The following LRP1B variants were observed in gnomAD, a reference collection of about 807,000 sequenced individuals.
The protein encoded by LRP1B is LDL receptor related protein 1B, also known as low-density lipoprotein receptor-related protein 1B.
Under a neutral mutation model 556.6 loss-of-function variants are expected in LRP1B, and 217 were observed. The observed-to-expected ratio is 0.39, with a 90% CI of 0.35 to 0.44. The LOEUF (loss-of-function observed/expected upper bound fraction) is 0.44. Ranked by LOEUF, LRP1B falls within the 20% of genes least tolerant of loss-of-function variation. LRP1B has a pLI of 1.00. For synonymous variants in LRP1B, 2,047 were observed against 1,865.8 expected, an observed-to-expected ratio of 1.10 and a Z score of -2.50; for missense variants, 5,053 against 5,620.8, an observed-to-expected ratio of 0.90 and a Z score of 3.23.
intron 86 of LRP1B, chr2:140,269,119 A>G (rs1682341338): frequency 5.6e-6 from 2 of 357,134 alleles, no homozygotes; most frequent in South Asian, 2.3e-5. Flanking sequence ...TGGTGAGTGA[A>G]GCAAAGGTTA....
At position 140,868,236 on chromosome 2, in the gene LRP1B, T is replaced by C. The variant is rs2105156661; in HGVS notation, c.4197A>G (p.Ala1399=). Residue 1399 remains alanine, a synonymous_variant, in exon 26 of 91, where the codon GCA becomes GCG. Coordinates refer to ENST00000389484, the MANE Select transcript of LRP1B (RefSeq NM_018557.3). ...YGILFWTDWD[A]NFPRIESASM... ...AGGCAGATTCAATGCGAGGAAAATT[T>C]GCATCCCAGTCTGTCCAGAAAAGAA... 1 of 1,594,944 alleles carries C rather than the reference T, an allele frequency of 6.3e-7. No individual in the cohort carries two copies. The highest frequency in any genetic ancestry group is 8.5e-7 in the Non-Finnish European group (1 of 1,172,996).
At chr2:141,997,381 G>A (rs1473481567) in intron 1 of LRP1B, among the ~76,000 whole-genome samples, 1 of 118,816 alleles carries the variant, frequency 8.4e-6, no homozygotes, top group Non-Finnish European at 1.7e-5. Flanking sequence ...TCCAAGATGT[G>A]TGTGTGTGTA....
At chr2:140,528,489 AT>A (rs149584190) in intron 47 of LRP1B, among the ~76,000 whole-genome samples, 4,753 of 150,118 alleles carry the variant, frequency 0.032, 256 homozygotes, top group African/African-American at 0.11. Context: ...TGCAGGATGT[AT>A]TTTTTTTTTC....
rs116354479 is a variant in LRP1B, at chr2:141,081,121, C to T, written c.1014-18848G>A. Among the ~76,000 whole-genome samples, 825 of 152,314 alleles carry T rather than the reference C, an allele frequency of 5.4e-3. 10 individuals are homozygous for T. Among genetic ancestry groups the T allele is most frequent in the African/African-American group, 0.019 (778 of 41,564 alleles). ...ATGCTGGGACTATAGGCATGAACCA[C>T]TGCACCCAGCAGAGCATTTGCTTTG... is the stretch of plus-strand genomic sequence containing the variant. On this transcript the variant is annotated intron_variant, in intron 7 of 90. Coordinates refer to ENST00000389484, the MANE Select transcript of LRP1B (RefSeq NM_018557.3).
intron 25 of LRP1B, among the ~76,000 whole-genome samples, chr2:140,881,175 C>T (rs1015989078): frequency 1.3e-5 from 2 of 151,794 alleles, no homozygotes; most frequent in Non-Finnish European, 2.9e-5. Context: ...TTGTACATAG[C>T]ACTAAGATAG....
chr2:141,664,403 A>G (rs1368318198), intron 2 of LRP1B, among the ~76,000 whole-genome samples: 1 of 152,196 alleles, frequency 6.6e-6, no homozygotes, highest in East Asian at 1.9e-4. Context: ...AAATAGGAAG[A>G]GAGGAATTCA....
rs763244033 is a variant in LRP1B, at chr2:140,444,355, A to G, written c.10269T>C (p.Gly3423=). 1 of 1,613,908 alleles carries G rather than the reference A, an allele frequency of 6.2e-7. No homozygotes were observed. Among genetic ancestry groups the G allele is most frequent in the East Asian group, 2.2e-5 (1 of 44,844 alleles). The part of the protein sequence containing the change: ...NLRCNGQDDC[G]DEEDERDCPE... ...GACAGTCTCTTTCATCTTCCTCATC[A>G]CCACAGTCATCTTGCCCATTACATC... Residue 3423 remains glycine, a synonymous_variant, in exon 65 of 91, where the codon GGT becomes GGC. Coordinates refer to ENST00000389484, the MANE Select transcript of LRP1B (RefSeq NM_018557.3).
chr2:141,189,760 G>A (rs998871400), intron 6 of LRP1B, among the ~76,000 whole-genome samples: 2 of 151,830 alleles, frequency 1.3e-5, no homozygotes, highest in Non-Finnish European at 2.9e-5. Context: ...TTAATTAACT[G>A]GAATTTAAAT....
In LRP1B at chr2:140,701,817, C is replaced by A. The variant is rs748808497; in HGVS notation, c.6331G>T (p.Gly2111Cys). ...GTTTCTGTGGCATCATTCTTGTGGC[C>A]CCTTCTGACAGACCCGTTTGCATGT... ...RAHANGSVRR[G>C]HKNDATETIT... is the part of the protein sequence containing the mutation. The change falls in exon 40 of 91, where the codon GGC (glycine) becomes TGC (cysteine). Residue 2111 changes from glycine to cysteine, a missense_variant. By Grantham distance (159) the Gly-to-Cys change is radical (BLOSUM62 -3). This residue lies in a region of LRP1B where 3,619 missense variants were observed against 3,931.9 expected (regional missense o/e 0.92). Transcript: ENST00000389484. The A allele has an allele frequency of 2.5e-6, 4 of 1,612,926 alleles. No individual in the cohort carries two copies. The highest frequency in any genetic ancestry group is 3.3e-5 in the Admixed American group (2 of 59,854).
intron 71 of LRP1B, among the ~76,000 whole-genome samples, chr2:140,370,177 T>C (rs1682932753): frequency 6.6e-6 from 1 of 151,978 alleles, no homozygotes; most frequent in Admixed American, 6.6e-5. Flanking sequence ...AAAGGAAAGT[T>C]GTCTTTTAGA....
intron 1 of LRP1B, among the ~76,000 whole-genome samples, chr2:141,865,020 A>T (rs1698361312): frequency 6.6e-6 from 1 of 152,192 alleles, no homozygotes; most frequent in Non-Finnish European, 1.5e-5. Context: ...CTTTTTGCTA[A>T]TGAAATTCTG....
intron 2 of LRP1B, among the ~76,000 whole-genome samples, chr2:141,624,157 A>T (rs1688623158): frequency 6.6e-6 from 1 of 152,102 alleles, no homozygotes; most frequent in African/African-American, 2.4e-5. Flanking sequence ...CATAGTAAGT[A>T]AATCTTCATT....
chr2:140,519,757 A>G (rs1346954729), intron 49 of LRP1B, among the ~76,000 whole-genome samples: 1 of 152,196 alleles, frequency 6.6e-6, no homozygotes, highest in Non-Finnish European at 1.5e-5. Flanking sequence ...ACTCAAACAA[A>G]TTTACAAGAA....
At chr2:141,412,233 A>C (rs1376419062) in intron 3 of LRP1B, among the ~76,000 whole-genome samples, 2 of 152,178 alleles carry the variant, frequency 1.3e-5, no homozygotes, top group Non-Finnish European at 2.9e-5. Flanking sequence ...TGACCTCTTC[A>C]TCTGAAAGAA....
intron 43 of LRP1B, among the ~76,000 whole-genome samples, chr2:140,581,627 A>G (rs12997564): frequency 0.049 from 7,421 of 152,218 alleles, 224 homozygotes; most frequent in Middle Eastern, 0.085. Flanking sequence ...ATAAATGGAA[A>G]TCTAGTATCA....
intron 5 of LRP1B, among the ~76,000 whole-genome samples, chr2:141,233,023 C>A (rs532249803): frequency 6.6e-6 from 1 of 152,268 alleles, no homozygotes; most frequent in South Asian, 2.1e-4. Context: ...TTACCACATG[C>A]CAATTGAAGA....
Position 141,810,397 on chromosome 2 carries a change from C to T in LRP1B, c.87G>A (p.Gln29=), listed in dbSNP as rs769941301. Residue 29 remains glutamine (Q), a synonymous_variant, in exon 2 of 91, where the codon CAG becomes CAA. Coordinates refer to ENST00000389484, the MANE Select transcript of LRP1B (RefSeq NM_018557.3). ...RVLTVGADRD[Q]QLCDPGEFLC... is the part of the protein sequence containing the mutation. ...GAAATTCACCAGGATCACACAACTG[C>T]TGATCTGAAAATGAAAATGTTTCGA... 2 of 1,612,758 alleles carry T rather than the reference C, an allele frequency of 1.2e-6. No homozygotes were observed. The highest frequency in any genetic ancestry group is 1.7e-6 in the Non-Finnish European group (2 of 1,179,250).
intron 41 of LRP1B, among the ~76,000 whole-genome samples, chr2:140,699,342 T>C (rs1686547570): frequency 6.6e-6 from 1 of 152,062 alleles, no homozygotes; most frequent in African/African-American, 2.4e-5. Flanking sequence ...ATCATTCCAC[T>C]TTTATAATTA....
intron 3 of LRP1B, among the ~76,000 whole-genome samples, chr2:141,359,760 GCCCCGC>G (rs1163924107): frequency 2.3e-5 from 1 of 43,634 alleles, no homozygotes; most frequent in Admixed American, 1.8e-4. Flanking sequence ...CGGCCCCCGC[GCCCCGC>G]CCCGCCCCGC....
Sources: gnomAD v4.1 joint callset for allele counts (sites outside exome capture counted in the v4.1 genomes callset) on GRCh38, gnomAD v4.1.1 for gene constraint, gnomAD v4.1.1 regional missense constraint, MANE v1.5 for transcripts, NCBI Gene and HGNC (gene_info 2026-07-23, HGNC 2026-07-21) for gene names.